CCDC102B: variants seen among roughly 807,000 people sequenced by gnomAD.
CCDC102B encodes the protein coiled-coil domain containing 102B.
A neutral mutation model predicts 57.4 loss-of-function variants in CCDC102B; 75 were observed. The observed-to-expected ratio is 1.31, with a 90% CI of 1.08 to 1.58. The LOEUF is 1.58. Ranked by LOEUF, CCDC102B falls within the 40% of genes most tolerant of loss-of-function variation. CCDC102B has a pLI of 0.00. For synonymous variants in CCDC102B, 206 were observed against 201.9 expected (o/e 1.02, Z -0.17); for missense variants, 636 against 582.6 (o/e 1.09, Z -0.94).
At chr18:68,992,024 G>A (rs897567305) in intron 6 of CCDC102B, among the ~76,000 whole-genome samples, 1 of 151,714 alleles carries the variant, frequency 6.6e-6, no homozygotes, top group Non-Finnish European at 1.5e-5. Flanking sequence ...AATGTTTCCA[G>A]GTACACTTAA....
chr18:68,945,456 G>A (rs374848818), intron 6 of CCDC102B, among the ~76,000 whole-genome samples: 145 of 152,058 alleles, frequency 9.5e-4, no homozygotes, highest in African/African-American at 2.9e-3. Context: ...TATTCTCTAC[G>A]CCTGCCTATG....
At chr18:68,757,530 A>T (rs2034092734) in intron 2 of CCDC102B, among the ~76,000 whole-genome samples, 1 of 152,212 alleles carries the variant, frequency 6.6e-6, no homozygotes, top group Non-Finnish European at 1.5e-5. Flanking sequence ...ATGCTATTTA[A>T]AAAAATACAT....
At chr18:68,985,479 G>A (rs1345754065) in intron 6 of CCDC102B, among the ~76,000 whole-genome samples, 1 of 152,124 alleles carries the variant, frequency 6.6e-6, no homozygotes, top group African/African-American at 2.4e-5. Flanking sequence ...CAATTGAAGA[G>A]CTGAGAAGCT....
chr18:68,995,386 G>A (rs1378174901), intron 6 of CCDC102B, among the ~76,000 whole-genome samples: 1 of 152,172 alleles, frequency 6.6e-6, no homozygotes, highest in East Asian at 1.9e-4. Flanking sequence ...CTTCAAAGCA[G>A]CCCCTCCCAT....
chr18:68,937,299 G>C (rs1257734573), intron 6 of CCDC102B, among the ~76,000 whole-genome samples: 1 of 151,948 alleles, frequency 6.6e-6, no homozygotes, highest in Non-Finnish European at 1.5e-5. Context: ...TGTCAAAAAC[G>C]TGGCACCAGA....
At chr18:68,725,866 T>G (rs745569568) in intron 2 of CCDC102B, among the ~76,000 whole-genome samples, 1 of 152,182 alleles carries the variant, frequency 6.6e-6, no homozygotes, top group Non-Finnish European at 1.5e-5. Context: ...CAGGCAATAA[T>G]GGATGAAGAA....
At chr18:68,936,113 G>C (rs960383418) in intron 6 of CCDC102B, among the ~76,000 whole-genome samples, 2 of 151,770 alleles carry the variant, frequency 1.3e-5, no homozygotes, top group African/African-American at 4.8e-5. Context: ...TTATCTAAAG[G>C]CTCTGTGTAT....
At chr18:69,013,641 G>T (rs2051581334) in intron 7 of CCDC102B, among the ~76,000 whole-genome samples, 1 of 152,182 alleles carries the variant, frequency 6.6e-6, no homozygotes, top group African/African-American at 2.4e-5. Flanking sequence ...ACACTGGAAA[G>T]CCAGTAATTT....
intron 1 of CCDC102B, among the ~76,000 whole-genome samples, chr18:68,812,683 T>C (rs1049053789): frequency 6.6e-6 from 1 of 152,198 alleles, no homozygotes; most frequent in African/African-American, 2.4e-5. Context: ...ATGACCCTAG[T>C]TAGTATTAAG....
chr18:68,852,633 A>T (rs1221086963), intron 4 of CCDC102B, among the ~76,000 whole-genome samples: 2 of 152,002 alleles, frequency 1.3e-5, no homozygotes, highest in African/African-American at 4.8e-5. Flanking sequence ...AATATTTCTG[A>T]TATTAGATTG....
At chr18:68,771,733 T>C (rs1358697896) in intron 2 of CCDC102B, among the ~76,000 whole-genome samples, 2 of 152,114 alleles carry the variant, frequency 1.3e-5, no homozygotes, top group African/African-American at 4.8e-5. Flanking sequence ...TGTGACTGAG[T>C]TGCCTTGAAT....
rs79340956 is a variant in CCDC102B, at chr18:68,892,542, G to A, written c.1054-4677G>A. Among the ~76,000 whole-genome samples, 20 of 152,250 alleles carry A rather than the reference G, an allele frequency of 1.3e-4. No individual in the cohort carries two copies. In the East Asian group the frequency reaches 3.9e-3, roughly 29 times the overall value. ...CTAAGCCTCTTTATTGTGTTGACAGGTTTGCAGCTACCAGTGATTTTATTT... is the reference window on the plus strand; with the variant it reads ...CTAAGCCTCTTTATTGTGTTGACAGATTTGCAGCTACCAGTGATTTTATTT... On this transcript the variant is annotated intron_variant, in intron 5 of 7. Coordinates refer to ENST00000360242, the MANE Select transcript of CCDC102B (RefSeq NM_024781.3).
intron 6 of CCDC102B, among the ~76,000 whole-genome samples, chr18:68,921,428 C>T (rs1403751626): frequency 2.0e-5 from 3 of 152,180 alleles, no homozygotes; most frequent in Non-Finnish European, 4.4e-5. Flanking sequence ...ATTTTAGTCA[C>T]TGGAACTGTC....
At chr18:68,778,648 C>T (rs1048457261) in intron 2 of CCDC102B, among the ~76,000 whole-genome samples, 2 of 151,986 alleles carry the variant, frequency 1.3e-5, no homozygotes, top group African/African-American at 4.8e-5. Context: ...TTCCCAAATC[C>T]CGCATGCATA....
chr18:68,857,886 G>A (rs1174836955), intron 4 of CCDC102B, among the ~76,000 whole-genome samples: 1 of 152,106 alleles, frequency 6.6e-6, no homozygotes, highest in Non-Finnish European at 1.5e-5. Context: ...AAACAACTTT[G>A]TGCATGTATC....
chr18:69,051,330 A>G (rs1396377039), intron 7 of CCDC102B, among the ~76,000 whole-genome samples: 1 of 152,058 alleles, frequency 6.6e-6, no homozygotes, highest in Non-Finnish European at 1.5e-5. Flanking sequence ...ACCTCCTAAG[A>G]AGAAATTGCA....
At chr18:68,720,306 A>G (rs962075135) in intron 2 of CCDC102B, among the ~76,000 whole-genome samples, 3 of 152,250 alleles carry the variant, frequency 2.0e-5, no homozygotes, top group African/African-American at 7.2e-5. Flanking sequence ...CCATGGATCA[A>G]GGAATTTTCA....
At chr18:68,883,609 G>A (rs1354542522) in intron 5 of CCDC102B, among the ~76,000 whole-genome samples, 2 of 152,118 alleles carry the variant, frequency 1.3e-5, no homozygotes, top group East Asian at 3.9e-4. Flanking sequence ...TTTTTTATCT[G>A]GAAAAATTGA....
chr18:69,051,255 C>G (rs184723872), intron 7 of CCDC102B, among the ~76,000 whole-genome samples: 1 of 152,072 alleles, frequency 6.6e-6, no homozygotes, highest in Non-Finnish European at 1.5e-5. Context: ...GGAAAAATAA[C>G]TTTAAAGTAT....
Sources: allele counts gnomAD v4.1 joint callset (sites outside exome capture counted in the v4.1 genomes callset), GRCh38; gene constraint gnomAD v4.1.1; transcripts MANE v1.5; gene names NCBI Gene and HGNC (gene_info 2026-07-23, HGNC 2026-07-21).